The following KLHDC7B variants were observed in gnomAD, a reference collection of about 807,000 sequenced individuals.
KLHDC7B encodes kelch domain-containing protein 7B.
Under a neutral mutation model 0.6 loss-of-function variants are expected in KLHDC7B, and 1 was observed. The observed-to-expected ratio is 1.71, with a 90% confidence interval of 0.61 to 8.11. The LOEUF (loss-of-function observed/expected upper bound fraction) is 8.11, where lower values mean the gene tolerates loss of function less well. Among genes scored for constraint, KLHDC7B ranks in the 30% most tolerant of loss-of-function variants. The pLI, the probability that KLHDC7B is intolerant of heterozygous loss-of-function variation, is 0.13. For missense variants in KLHDC7B, 993 were observed against 894.9 expected (o/e 1.11, Z -1.40); for synonymous variants, 462 against 405.2 (o/e 1.14, Z -1.68).
In KLHDC7B at chr22:50,549,368, T is replaced by A. The variant is rs778325249; in HGVS notation, c.3125T>A (p.Val1042Glu). 4 of 1,612,884 alleles carry A rather than the reference T, an allele frequency of 2.5e-6. No homozygotes were observed. In the South Asian group the frequency reaches 4.4e-5, roughly 18 times the overall value. Residue 1042 changes from valine to glutamate, a missense_variant, in exon 1 of 1, where the codon GTG becomes GAG. By Grantham distance (121) the Val-to-Glu change is moderately radical. Coordinates refer to ENST00000648057, the MANE Select transcript of KLHDC7B (RefSeq NM_138433.5). The stretch of plus-strand genomic sequence containing the variant: ...CAGGCCCGAGCCCAGCTCAAGCTGG[T>A]GGCCCTGGACGGGCTGCTCTATGCC... ...MQQARAQLKL[V>E]ALDGLLYAIG...
chr22:50,549,745 C>CGGG lies in KLHDC7B; in HGVS notation c.3502_3503insGGG (p.Pro1168delinsArgAla). On this transcript the variant is annotated protein_altering_variant, in exon 1 of 1. Transcript: ENST00000648057. ...GAGCAGGGCTGCCTCCCTGCCCCTG[C>CGGG]CCGCCCCCGCCCCACTGCACTGCAC... 1 of 1,084,860 alleles carries CGGG rather than the reference C, an allele frequency of 9.2e-7. No individual in the cohort carries two copies. The highest frequency in any genetic ancestry group is 1.4e-6 in the Non-Finnish European group (1 of 737,972). 67.2% of individuals were successfully genotyped at this position (1,084,860 alleles called of 1,614,324 possible).
At position 50,549,911 on chromosome 22, in the gene KLHDC7B, T is replaced by C. The variant is rs1170132743; in HGVS notation, c.3668T>C (p.Leu1223Pro). 2.2e-5 allele frequency: 35 copies of C among 1,588,514 alleles called. No homozygotes were observed. Among genetic ancestry groups the C allele is most frequent in the Non-Finnish European group, 2.7e-5 (32 of 1,165,238 alleles). The change falls in exon 1 of 1, where the codon CTG becomes CCG. Residue 1223 changes from leucine to proline, a missense_variant. Coordinates refer to ENST00000648057, the MANE Select transcript of KLHDC7B (RefSeq NM_138433.5). ...GSTGVLSPFI[L>P]TLPPEDRLQT... ...ACCGGGGTCCTCAGTCCATTCATCC[T>C]GACTCTGCCCCCTGAGGACCGGCTG...
In KLHDC7B at chr22:50,548,717, T is replaced by G. The variant is rs558859857; in HGVS notation, c.2474T>G (p.Val825Gly). 80 of 1,503,974 alleles carry G rather than the reference T, an allele frequency of 5.3e-5. 1 individual carries two copies. The African/African-American group carries it at 1.1e-3, about 20-fold the overall frequency. 93.2% of individuals were successfully genotyped at this position (1,503,974 alleles called of 1,614,324 possible). A position where few individuals can be genotyped will look rare whatever the true frequency, so the allele number is the denominator to read the frequency against. Residue 825 changes from valine (V) to glycine (G), a missense_variant, in exon 1 of 1, where the codon GTG becomes GGG. Coordinates refer to ENST00000648057, the MANE Select transcript of KLHDC7B (RefSeq NM_138433.5). This position sits in a 1 kb window ranked among gnomAD's most constrained non-coding sequence, Gnocchi z 5.3. ...CAGGAGGAGGCCCGGAAGCTCATGG[T>G]GTTTCTGCAGAGGCCCGGGGGTTGG... ...EKQEEARKLMVFLQRPGGWGV... is the reference protein window; with the variant it reads ...EKQEEARKLMGFLQRPGGWGV...
rs746338930 is a variant in KLHDC7B at position 50,549,002 on chromosome 22, G to A, written c.2759G>A (p.Gly920Asp). The change falls in exon 1 of 1, where the codon GGC (glycine) becomes GAC (aspartate). Residue 920 changes from glycine to aspartate, a missense_variant. Gly to Asp is a moderately conservative substitution (Grantham distance 94, BLOSUM62 -1). Transcript: ENST00000648057. ...ATCCTCAGCCTGCGGACCGGCCGGG[G>A]CCGGGCGGTGCTGGGCGTCCTCGTA... ...ERILSLRTGR[G>D]RAVLGVLVLP... 5 of 1,596,124 alleles carry A rather than the reference G, an allele frequency of 3.1e-6. No individual in the cohort carries two copies. The highest frequency in any genetic ancestry group is 2.7e-5 in the African/African-American group (2 of 74,602).
At position 50,546,998 on chromosome 22, in the gene KLHDC7B, G is replaced by A. The variant is rs940988663; in HGVS notation, c.755G>A (p.Arg252His). The change falls in exon 1 of 1, where the codon CGC becomes CAC. Residue 252 changes from arginine (R) to histidine (H), a missense_variant. Coordinates refer to ENST00000648057, the MANE Select transcript of KLHDC7B (RefSeq NM_138433.5). ...CGCCCCCGGAAACTGGACCCGCTCC[G>A]CCTGGGCGCCGCGGGGAGCGTGTGG... ...ARRPRKLDPLRLGAAGSVWDA... is the reference protein window; with the variant it reads ...ARRPRKLDPLHLGAAGSVWDA... Among the ~76,000 whole-genome samples, 1 of 151,464 alleles carries A rather than the reference G, an allele frequency of 6.6e-6. No individual in the cohort carries two copies. The highest frequency in any genetic ancestry group is 1.9e-4 in the East Asian group (1 of 5,162).
At position 50,549,913 on chromosome 22, in the gene KLHDC7B, A is replaced by G. The variant is rs2069788783; in HGVS notation, c.3670A>G (p.Thr1224Ala). ...STGVLSPFILTLPPEDRLQTS... is the reference protein window; with the variant it reads ...STGVLSPFILALPPEDRLQTS... ...CGGGGTCCTCAGTCCATTCATCCTGACTCTGCCCCCTGAGGACCGGCTGCA... is the reference window on the plus strand; with the variant it reads ...CGGGGTCCTCAGTCCATTCATCCTGGCTCTGCCCCCTGAGGACCGGCTGCA... Residue 1224 changes from threonine (T) to alanine (A), a missense_variant, in exon 1 of 1, where the codon ACT becomes GCT. By Grantham distance (58) the Thr-to-Ala change is moderately conservative. Coordinates refer to ENST00000648057, the MANE Select transcript of KLHDC7B (RefSeq NM_138433.5). 6.3e-7 allele frequency: 1 copy of G among 1,585,558 alleles called. No individual in the cohort carries two copies. Among genetic ancestry groups the G allele is most frequent in the African/African-American group, 1.4e-5 (1 of 74,072 alleles).
Position 50,547,601 on chromosome 22 carries a change from C to T in KLHDC7B, c.1358C>T (p.Ser453Phe). 2.5e-6 allele frequency: 1 copy of T among 402,434 alleles called. No individual in the cohort carries two copies. The allele number at this position is 402,434 out of a possible 1,614,324, so 24.9% of individuals were successfully genotyped here. A position where few individuals can be genotyped will look rare whatever the true frequency, so the allele number is the denominator to read the frequency against. ...FLPLEVTQDPSVGENLRAAPA... is the reference protein window; with the variant it reads ...FLPLEVTQDPFVGENLRAAPA... ...CCCCTGGAGGTTACCCAGGATCCTTCCGTGGGCGAAAATCTCAGAGCGGCG... is the reference window on the plus strand; with the variant it reads ...CCCCTGGAGGTTACCCAGGATCCTTTCGTGGGCGAAAATCTCAGAGCGGCG... Residue 453 changes from serine to phenylalanine, a missense_variant, in exon 1 of 1, where the codon TCC becomes TTC. Coordinates refer to ENST00000648057, the MANE Select transcript of KLHDC7B (RefSeq NM_138433.5).
At position 50,548,932 on chromosome 22, in the gene KLHDC7B, G is replaced by C; in HGVS notation, c.2689G>C (p.Asp897His). The C allele has an allele frequency of 6.3e-7, 1 of 1,597,598 alleles. No homozygotes were observed. The highest frequency in any genetic ancestry group is 8.5e-7 in the Non-Finnish European group (1 of 1,173,590). The stretch of plus-strand genomic sequence containing the variant: ...CGACAACCTGCTGCGAGTGCTGGGA[G>C]ACCCGTGCCTCTACCGCCGGCTGAG... ...MSDNLLRVLG[D>H]PCLYRRLSAA... is the part of the protein sequence containing the mutation. The change falls in exon 1 of 1, where the codon GAC (aspartate) becomes CAC (histidine). Residue 897 changes from aspartate (D) to histidine (H), a missense_variant. Transcript: ENST00000648057. The surrounding 1 kb of genome is among the most constrained non-coding windows in gnomAD (Gnocchi z 5.3).
chr22:50,546,570 T>C lies in KLHDC7B; in HGVS notation c.327T>C (p.Ala109=), dbSNP rs2069730616. 5.0e-6 allele frequency: 2 copies of C among 398,492 alleles called. No individual in the cohort carries two copies. Among genetic ancestry groups the C allele is most frequent in the East Asian group, 7.1e-5 (2 of 28,068 alleles). The allele number at this position is 398,492 out of a possible 1,614,324, so 24.7% of individuals were successfully genotyped here. A position where few individuals can be genotyped will look rare whatever the true frequency, so the allele number is the denominator to read the frequency against. The change falls in exon 1 of 1, where the codon GCT becomes GCC. Residue 109 remains alanine (A), a synonymous_variant. Transcript: ENST00000648057. ...GCGGCCAGCAGAGCCCTGTCCCTGC[T>C]GCAGCGCCGGGCGGGGGCCTGGCCG... ...PGRGQQSPVP[A]AAPGGGLAAM...
Position 50,547,743 on chromosome 22 carries a change from A to C in KLHDC7B, c.1500A>C (p.Ser500=). ...CAACCTCAGCCACCACCTCAACCTC[A>C]TCCCCCACCTCAGCCCCAGCCCCAG... is the stretch of plus-strand genomic sequence containing the variant. The part of the protein sequence containing the change: ...SAPTSATTST[S]SPTSAPAPAP... Residue 500 remains serine (S), a synonymous_variant, in exon 1 of 1, where the codon TCA becomes TCC. Coordinates refer to ENST00000648057, the MANE Select transcript of KLHDC7B (RefSeq NM_138433.5). 1 of 479,618 alleles carries C rather than the reference A, an allele frequency of 2.1e-6. No individual in the cohort carries two copies. 29.7% of individuals were successfully genotyped at this position (479,618 alleles called of 1,614,324 possible).
In KLHDC7B at chr22:50,549,584, GGGACGAGT is replaced by G. The variant is rs1214823080; in HGVS notation, c.1420_1427del (p.Asp474ProfsTer111). The G allele has an allele frequency of 1.9e-6, 3 of 1,573,678 alleles. No individual in the cohort carries two copies. In the African/African-American group the frequency reaches 4.0e-5, roughly 21 times the overall value. On this transcript the variant is annotated frameshift_variant, in exon 1 of 1. Coordinates refer to the KLHDC7B transcript ENST00000395676. LOFTEE classifies it low-confidence loss of function (END_TRUNC). Reference sequence around the variant, plus strand: ...AGGTACAGCCCCGTGAAGGATGCTTGGGACGAGTGCCCATACAGTGCCAGCCACCGGCG... The same window carrying G: ...AGGTACAGCCCCGTGAAGGATGCTTGGCCCATACAGTGCCAGCCACCGGCG...
chr22:50,549,242 CG>C lies in KLHDC7B; in HGVS notation c.1082del (p.Gly361AlafsTer21). ...ACCATGCACAACTACCTGTTTCTGG[CG>C]GGGGGCATCCGTGGCTCCGGTGCCA... On this transcript the variant is annotated frameshift_variant, in exon 1 of 1. Transcript: ENST00000395676. LOFTEE classifies it low-confidence loss of function (END_TRUNC). The C allele has an allele frequency of 1.2e-6, 2 of 1,609,674 alleles. No homozygotes were observed.
rs745950415 is a variant in KLHDC7B, at chr22:50,549,286, G to A, written c.3043G>A (p.Glu1015Lys). 4.3e-6 allele frequency: 7 copies of A among 1,612,266 alleles called. No individual in the cohort carries two copies. The East Asian group carries it at 1.3e-4, about 31-fold the overall frequency. The stretch of plus-strand genomic sequence containing the variant: ...CGGTGCCAAGGCCGTCTGCTCCAAC[G>A]AGGTCTTCTGCTACAACCCTCTGAC... Reference protein sequence around the residue: ...GSGAKAVCSNEVFCYNPLTNI... With the variant: ...GSGAKAVCSNKVFCYNPLTNI... The change falls in exon 1 of 1, where the codon GAG (glutamate) becomes AAG (lysine). Residue 1015 changes from glutamate to lysine, a missense_variant. By Grantham distance (56) the Glu-to-Lys change is moderately conservative. Transcript: ENST00000648057.
Position 50,546,374 on chromosome 22 carries a change from A to C in KLHDC7B, c.131A>C (p.His44Pro), listed in dbSNP as rs909926045. The change falls in exon 1 of 1, where the codon CAC becomes CCC. Residue 44 changes from histidine (H) to proline (P), a missense_variant. Physicochemically the swap from His to Pro is moderately conservative, Grantham distance 77. Transcript: ENST00000648057. ...GTGGCTGCCACAGCGCTGGCCTTAC[A>C]CTGGTTTGGCTCCGGGCACGATCAA... ...AVVAATALAL[H>P]WFGSGHDQEA... 7 of 399,198 alleles carry C rather than the reference A, an allele frequency of 1.8e-5. No homozygotes were observed. Among genetic ancestry groups the C allele is most frequent in the Non-Finnish European group, 3.1e-5 (7 of 226,420 alleles). 24.7% of individuals were successfully genotyped at this position (399,198 alleles called of 1,614,324 possible). A position where few individuals can be genotyped will look rare whatever the true frequency, so the allele number is the denominator to read the frequency against.
chr22:50,548,544 G>C lies in KLHDC7B; in HGVS notation c.2301G>C (p.Pro767=). The change falls in exon 1 of 1, where the codon CCG becomes CCC. Residue 767 remains proline, a synonymous_variant. Coordinates refer to ENST00000648057, the MANE Select transcript of KLHDC7B (RefSeq NM_138433.5). This position sits in a 1 kb window ranked among gnomAD's most constrained non-coding sequence, Gnocchi z 5.3. ...AASSSARRSQ[P]VPQLRKRSRC... ...CCTCCTCTGCGAGGCGCTCACAGCC[G>C]GTACCCCAGCTACGGAAACGCAGCA... 1.3e-6 allele frequency: 2 copies of C among 1,551,744 alleles called. No individual in the cohort carries two copies. Among genetic ancestry groups the C allele is most frequent in the Non-Finnish European group, 1.7e-6 (2 of 1,148,610 alleles).
At position 50,548,341 on chromosome 22, in the gene KLHDC7B, G is replaced by T; in HGVS notation, c.2098G>T (p.Ala700Ser). 6.4e-7 allele frequency: 1 copy of T among 1,550,892 alleles called. No homozygotes were observed. The highest frequency in any genetic ancestry group is 8.7e-7 in the Non-Finnish European group (1 of 1,146,974). ...GACAGGTACAGGGGGCCTGGTTGAG[G>T]CTGGAGGTCAGCCACAGCCAAGAAG... ...IGTGTGGLVE[A>S]GGQPQPRSSE... is the part of the protein sequence containing the mutation. Residue 700 changes from alanine to serine, a missense_variant, in exon 1 of 1, where the codon GCT (alanine) becomes TCT (serine). Physicochemically the swap from Ala to Ser is moderately conservative, Grantham distance 99. Coordinates refer to ENST00000648057, the MANE Select transcript of KLHDC7B (RefSeq NM_138433.5). This position sits in a 1 kb window ranked among gnomAD's most constrained non-coding sequence, Gnocchi z 5.3.
Position 50,549,504 on chromosome 22 carries a change from G to A in KLHDC7B, c.3261G>A (p.Val1087=). 6.2e-7 allele frequency: 1 copy of A among 1,611,846 alleles called. No homozygotes were observed. Among genetic ancestry groups the A allele is most frequent in the Non-Finnish European group, 8.5e-7 (1 of 1,179,506 alleles). The change falls in exon 1 of 1, where the codon GTG becomes GTA. Residue 1087 remains valine, a synonymous_variant. Transcript: ENST00000648057. ...AGTFPVAHEA[V]ACRGDIYVTG... ...CCTTCCCTGTGGCCCACGAGGCTGTGGCCTGCCGTGGGGACATCTACGTCA... is the reference window on the plus strand; with the variant it reads ...CCTTCCCTGTGGCCCACGAGGCTGTAGCCTGCCGTGGGGACATCTACGTCA...
chr22:50,549,349 C>G lies in KLHDC7B; in HGVS notation c.3106C>G (p.Arg1036Gly). 1 of 1,612,872 alleles carries G rather than the reference C, an allele frequency of 6.2e-7. No homozygotes were observed. Among genetic ancestry groups the G allele is most frequent in the Non-Finnish European group, 8.5e-7 (1 of 1,179,980 alleles). Reference sequence around the variant, plus strand: ...CCAGGTTCGGCCCATGCAGCAGGCCCGAGCCCAGCTCAAGCTGGTGGCCCT... The same window carrying G: ...CCAGGTTCGGCCCATGCAGCAGGCCGGAGCCCAGCTCAAGCTGGTGGCCCT... The part of the protein sequence containing the change: ...WSQVRPMQQA[R>G]AQLKLVALDG... The change falls in exon 1 of 1, where the codon CGA (arginine) becomes GGA (glycine). Residue 1036 changes from arginine (R) to glycine (G), a missense_variant. Coordinates refer to ENST00000648057, the MANE Select transcript of KLHDC7B (RefSeq NM_138433.5).
Position 50,549,931 on chromosome 22 carries a change from C to T in KLHDC7B, c.3688C>T (p.Arg1230Trp), listed in dbSNP as rs540906003. The T allele has an allele frequency of 3.8e-6, 6 of 1,572,152 alleles. No homozygotes were observed. Among genetic ancestry groups the T allele is most frequent in the Admixed American group, 3.5e-5 (2 of 57,252 alleles). The change falls in exon 1 of 1, where the codon CGG becomes TGG. Residue 1230 changes from arginine to tryptophan, a missense_variant. Coordinates refer to ENST00000648057, the MANE Select transcript of KLHDC7B (RefSeq NM_138433.5). ...PFILTLPPED[R>W]LQTSL ...CATCCTGACTCTGCCCCCTGAGGAC[C>T]GGCTGCAGACCTCACTCTGAGTGGC...
Sources: allele counts gnomAD v4.1 joint callset (sites outside exome capture counted in the v4.1 genomes callset), GRCh38; gene constraint gnomAD v4.1.1; non-coding constraint Gnocchi (gnomAD v3.1); transcripts MANE v1.5; gene names NCBI Gene and HGNC (gene_info 2026-07-23, HGNC 2026-07-21).